Variants in PDE4DIP observed in about 807,000 individuals in gnomAD.
PDE4DIP encodes myomegalin.
A neutral mutation model predicts 221.4 loss-of-function variants in PDE4DIP; 59 were observed. The observed-to-expected ratio is 0.27, with a 90% CI of 0.22 to 0.33. The LOEUF is 0.33. PDE4DIP is among the 10% of genes least tolerant of loss of function. The pLI, the probability that PDE4DIP is intolerant of heterozygous loss-of-function variation, is 1.00. For synonymous variants in PDE4DIP, 404 were observed against 815.9 expected (o/e 0.50, Z 8.60); for missense variants, 1,036 against 2,154.2 (o/e 0.48, Z 10.28).
intron 1 of PDE4DIP, among the ~76,000 whole-genome samples, chr1:148,923,357 T>C (rs1375191260): frequency 1.3e-5 from 2 of 151,390 alleles, no homozygotes; most frequent in Non-Finnish European, 2.9e-5. Context: ...CTTCCGCCTC[T>C]TGTCATCTAT....
At chr1:148,926,814 C>A (rs1462590288) in intron 1 of PDE4DIP, among the ~76,000 whole-genome samples, 1 of 150,118 alleles carries the variant, frequency 6.7e-6, no homozygotes, top group Non-Finnish European at 1.5e-5. Context: ...AAGCTGGGGA[C>A]ATAGCAACTG....
intron 21 of PDE4DIP, among the ~76,000 whole-genome samples, chr1:148,986,637 C>T (rs1553549955): frequency 6.6e-6 from 1 of 152,054 alleles, no homozygotes; most frequent in African/African-American, 2.4e-5. Flanking sequence ...AGAAGAAACT[C>T]GAATTTTTCT....
intron 5 of PDE4DIP, among the ~76,000 whole-genome samples, chr1:148,940,881 C>G (rs587703475): frequency 5.1e-4 from 78 of 152,212 alleles, no homozygotes; most frequent in Admixed American, 3.8e-3. Context: ...CATCATGCTC[C>G]TATATAAAGT....
chr1:148,990,229 A>G, intron 21 of PDE4DIP: 1 of 985,002 alleles, frequency 1.0e-6, no homozygotes, highest in Non-Finnish European at 1.2e-6. Flanking sequence ...TTTAATTCAA[A>G]TTGGTAAAAG....
chr1:149,011,222 G>A (rs2068542381), intron 31 of PDE4DIP, among the ~76,000 whole-genome samples: 3 of 110,012 alleles, frequency 2.7e-5, no homozygotes, highest in South Asian at 3.9e-4. Context: ...GGCAAGAAAA[G>A]GCAAACCTTG....
chr1:149,018,345 C>T (rs113752625), intron 34 of PDE4DIP, 197 bp from the exon 38 acceptor site: 34 of 456,540 alleles, frequency 7.4e-5, no homozygotes, highest in Middle Eastern at 5.8e-4. Context: ...ATTGCAGTTA[C>T]GGCATGTGAT....
chr1:148,962,978 C>T (rs1468347847), intron 9 of PDE4DIP, among the ~76,000 whole-genome samples: 1 of 152,296 alleles, frequency 6.6e-6, no homozygotes, highest in Non-Finnish European at 1.5e-5. Context: ...CTGCAACCTC[C>T]GCCTCCTGTA....
chr1:148,978,648 T>C (rs1422558016), intron 19 of PDE4DIP, among the ~76,000 whole-genome samples: 3 of 151,966 alleles, frequency 2.0e-5, no homozygotes, highest in African/African-American at 7.3e-5. Context: ...AGTGGTATGA[T>C]CACAGCTCAC....
intron 21 of PDE4DIP, among the ~76,000 whole-genome samples, chr1:148,986,772 G>A (rs1241380593): frequency 2.6e-5 from 4 of 152,184 alleles, no homozygotes; most frequent in Non-Finnish European, 5.9e-5. Flanking sequence ...AAGCACGACA[G>A]AGGTTTCAGG....
Position 149,023,551 on chromosome 1 carries a change from A to T in PDE4DIP, c.6086-894A>T, listed in dbSNP as rs1553622294. Among the ~76,000 whole-genome samples the T allele has an allele frequency of 1.4e-5, 2 of 147,392 alleles. 1 individual carries two copies. Among genetic ancestry groups the T allele is most frequent in the African/African-American group, 5.0e-5 (2 of 40,062 alleles). On this transcript the variant is annotated intron_variant, in intron 37 of 43. Transcript: ENST00000369354. ...TAAATATATATACATATATATATTT[A>T]TATATATGTGCATGTATATATATGT...
chr1:148,936,710 T>A (rs587635776), intron 4 of PDE4DIP, among the ~76,000 whole-genome samples: 66 of 151,752 alleles, frequency 4.3e-4, no homozygotes, highest in African/African-American at 1.3e-3. Flanking sequence ...TTTAAATTTT[T>A]AATTTTTTTT....
intron 5 of PDE4DIP, among the ~76,000 whole-genome samples, chr1:148,947,006 T>A (rs1264177021): frequency 6.6e-6 from 1 of 152,282 alleles, no homozygotes; most frequent in East Asian, 1.9e-4. Flanking sequence ...CTAAATTTAA[T>A]TCAGTACCAT....
intron 1 of PDE4DIP, among the ~76,000 whole-genome samples, chr1:148,861,651 A>C (rs1553401073): frequency 1.7e-5 from 2 of 119,750 alleles, no homozygotes; most frequent in African/African-American, 7.4e-5. Context: ...AAAAAAAAAA[A>C]AAAAGAGAGA....
intron 1 of PDE4DIP, among the ~76,000 whole-genome samples, chr1:148,836,254 C>A (rs1169783345): frequency 6.6e-6 from 1 of 152,204 alleles, no homozygotes; most frequent in Non-Finnish European, 1.5e-5. Flanking sequence ...ATATAATCTC[C>A]TGGTGTGCCG....
At chr1:148,960,115 TTACAG>T in intron 5 of PDE4DIP, among the ~76,000 whole-genome samples, 1 of 152,310 alleles carries the variant, frequency 6.6e-6, no homozygotes, top group Non-Finnish European at 1.5e-5. Context: ...TCTTATATAA[TTACAG>T]TACAATTATC....
chr1:148,987,715 A>G (rs2062158787), intron 21 of PDE4DIP, among the ~76,000 whole-genome samples: 1 of 152,152 alleles, frequency 6.6e-6, no homozygotes, highest in African/African-American at 2.4e-5. Flanking sequence ...GATAATGACT[A>G]CAGAGTAGAA....
intron 5 of PDE4DIP, among the ~76,000 whole-genome samples, chr1:148,954,694 AT>A: frequency 6.6e-6 from 1 of 152,290 alleles, no homozygotes. Context: ...TAATTGCTTA[AT>A]TTGAGCTATT....
intron 2 of PDE4DIP, chr1:148,930,591 A>G (rs1168021260): frequency 2.0e-5 from 3 of 150,902 alleles, no homozygotes; most frequent in Non-Finnish European, 4.4e-5. Flanking sequence ...ATGCAATCCC[A>G]TTTACAATAT....
intron 5 of PDE4DIP, among the ~76,000 whole-genome samples, chr1:148,960,252 A>G (rs2056578386): frequency 6.6e-6 from 1 of 151,962 alleles, no homozygotes; most frequent in Admixed American, 6.6e-5. Flanking sequence ...CCGGAATGTA[A>G]CTTCTCTCAG....
Sources: gnomAD v4.1 joint callset for allele counts (sites outside exome capture counted in the v4.1 genomes callset) on GRCh38, gnomAD v4.1.1 for gene constraint, MANE v1.5 for transcripts, NCBI Gene and HGNC (gene_info 2026-07-23, HGNC 2026-07-21) for gene names.